Variants in LRCH1 observed in about 807,000 individuals in gnomAD.
LRCH1 encodes leucine rich repeats and calponin homology domain containing 1.
LRCH1 carries 23 observed loss-of-function variants against 94.9 expected under a neutral mutation model. The ratio of observed to expected loss-of-function variants is 0.24; its 90% confidence interval spans 0.17 to 0.34. The LOEUF (loss-of-function observed/expected upper bound fraction) is 0.34. Ranked by LOEUF, LRCH1 falls within the 10% of genes least tolerant of loss-of-function variation. The pLI, the probability that LRCH1 is intolerant of heterozygous loss-of-function variation, is 1.00. For missense variants in LRCH1, 790 were observed against 945.9 expected, an observed-to-expected ratio of 0.84 and a Z score of 2.16; for synonymous variants, 364 against 354.9, an observed-to-expected ratio of 1.03 and a Z score of -0.29.
At chr13:46,631,779 G>A (rs1566188226) in intron 1 of LRCH1, among the ~76,000 whole-genome samples, 1 of 151,998 alleles carries the variant, frequency 6.6e-6, no homozygotes. Flanking sequence ...ACAATTCAGT[G>A]GCACTAAACA....
At chr13:46,734,603 G>A (rs1873279686) in intron 19 of LRCH1, among the ~76,000 whole-genome samples, 2 of 152,184 alleles carry the variant, frequency 1.3e-5, no homozygotes, top group South Asian at 4.1e-4. Flanking sequence ...CATATAGTTT[G>A]CTATTTTTTC....
chr13:46,724,934 A>G (rs1033659730), intron 17 of LRCH1, among the ~76,000 whole-genome samples: 2 of 152,206 alleles, frequency 1.3e-5, no homozygotes, highest in Non-Finnish European at 2.9e-5. Flanking sequence ...ATTCACAGAA[A>G]CAAAGACTTG....
rs181382112 is a variant in LRCH1 at position 46,718,008 on chromosome 13, C to G, written c.1759+2344C>G. On this transcript the variant is annotated intron_variant, in intron 16 of 19. Coordinates refer to ENST00000389797, the MANE Select transcript of LRCH1 (RefSeq NM_001164211.2). Reference sequence around the variant, plus strand: ...TTGTCTGTAGGTTTCTCTGGGCCCACCCCTGGAGCTGGATGGGACAGCTTT... The same window carrying G: ...TTGTCTGTAGGTTTCTCTGGGCCCAGCCCTGGAGCTGGATGGGACAGCTTT... Among the ~76,000 whole-genome samples, 11 of 152,290 alleles carry G rather than the reference C, an allele frequency of 7.2e-5. No individual in the cohort carries two copies. The East Asian group carries it at 1.7e-3, about 24-fold the overall frequency.
At chr13:46,752,868 C>G (rs1461820921) in exon 19 of LRCH1, 1 of 150,412 alleles carries the variant, frequency 6.6e-6, no homozygotes, top group Non-Finnish European at 1.5e-5. Flanking sequence ...GCTTTTTTTT[C>G]TTTTAAATGC....
At chr13:46,562,584 C>G (rs1736724338) in intron 1 of LRCH1, among the ~76,000 whole-genome samples, 1 of 152,186 alleles carries the variant, frequency 6.6e-6, no homozygotes, top group Non-Finnish European at 1.5e-5. Context: ...TAAATACAGT[C>G]ACATTCTGAG....
At chr13:46,723,824 A>G (rs937032032) in intron 17 of LRCH1, among the ~76,000 whole-genome samples, 1 of 152,078 alleles carries the variant, frequency 6.6e-6, no homozygotes, top group Admixed American at 6.6e-5. Flanking sequence ...AATGGTTCCA[A>G]TTGACCTTAG....
Position 46,688,280 on chromosome 13 carries a change from A to G in LRCH1, c.950+301A>G, listed in dbSNP as rs1007047866. ...AAATATGTGCATACTTATAAATAAG[A>G]TCTAGAATACAAATGTGAATATTTT... On this transcript the variant is annotated intron_variant, in intron 6 of 19. Coordinates refer to ENST00000389797, the MANE Select transcript of LRCH1 (RefSeq NM_001164211.2). 7.2e-5 allele frequency among the ~76,000 whole-genome samples: 11 copies of G among 152,346 alleles called. No homozygotes were observed. In the East Asian group the frequency reaches 2.1e-3, roughly 29 times the overall value.
intron 1 of LRCH1, among the ~76,000 whole-genome samples, chr13:46,617,513 G>A (rs1475352092): frequency 2.0e-5 from 3 of 152,190 alleles, no homozygotes; most frequent in Non-Finnish European, 4.4e-5. Flanking sequence ...TTGCTCCGCA[G>A]GGAGGCTGGC....
At chr13:46,602,104 C>T (rs903177367) in intron 1 of LRCH1, among the ~76,000 whole-genome samples, 3 of 152,208 alleles carry the variant, frequency 2.0e-5, no homozygotes, top group Non-Finnish European at 4.4e-5. Context: ...TCATCTCTTT[C>T]CATTCTAGCT....
intron 1 of LRCH1, among the ~76,000 whole-genome samples, chr13:46,611,538 A>G (rs1352025697): frequency 1.3e-5 from 2 of 152,222 alleles, no homozygotes; most frequent in African/African-American, 2.4e-5. Flanking sequence ...TTTAAAATTG[A>G]TATCCAATAT....
intron 1 of LRCH1, among the ~76,000 whole-genome samples, chr13:46,641,929 C>T (rs2051162409): frequency 1.3e-5 from 2 of 152,184 alleles, no homozygotes; most frequent in African/African-American, 2.4e-5. Flanking sequence ...GGCTGCTCGG[C>T]TTTCATGTGA....
intron 13 of LRCH1, among the ~76,000 whole-genome samples, chr13:46,708,253 T>C (rs1871868727): frequency 6.6e-6 from 1 of 151,450 alleles, no homozygotes; most frequent in African/African-American, 2.4e-5. Context: ...CATAGTTTTG[T>C]CTAGGTCTAG....
At position 46,653,762 on chromosome 13, in the gene LRCH1, C is replaced by T. The variant is rs548792136; in HGVS notation, c.452+3417C>T. On this transcript the variant is annotated intron_variant, in intron 2 of 19. Coordinates refer to ENST00000389797, the MANE Select transcript of LRCH1 (RefSeq NM_001164211.2). The stretch of plus-strand genomic sequence containing the variant: ...GAGAGGGTCTGGGAGGTTGAAGCTG[C>T]GGTGAGCCGTGATTGTGCTACTGCA... Among the ~76,000 whole-genome samples, 347 of 152,032 alleles carry T rather than the reference C, an allele frequency of 2.3e-3. 4 individuals are homozygous for T. Among genetic ancestry groups the T allele is most frequent in the African/African-American group, 7.9e-3 (326 of 41,482 alleles).
intron 19 of LRCH1, among the ~76,000 whole-genome samples, chr13:46,741,436 C>G (rs1231679297): frequency 6.6e-6 from 1 of 152,118 alleles, no homozygotes; most frequent in African/African-American, 2.4e-5. Context: ...TTCTTTGACC[C>G]ATTGGCACAA....
At chr13:46,650,132 T>C in intron 1 of LRCH1, 69 bp from the exon 2 acceptor site, 5 of 1,102,994 alleles carry the variant, frequency 4.5e-6, no homozygotes, top group Middle Eastern at 4.1e-4. Flanking sequence ...AAACAGTGTT[T>C]GTGGTTAATA....
chr13:46,590,079 A>C (rs2050482259), intron 1 of LRCH1, among the ~76,000 whole-genome samples: 2 of 152,088 alleles, frequency 1.3e-5, no homozygotes, highest in Admixed American at 1.3e-4. Context: ...TAGTTCAGTT[A>C]ATCTTTTTTG....
At chr13:46,663,992 C>T (rs1447982355) in intron 2 of LRCH1, among the ~76,000 whole-genome samples, 1 of 152,040 alleles carries the variant, frequency 6.6e-6, no homozygotes, top group African/African-American at 2.4e-5. Flanking sequence ...TGGCAGGATC[C>T]TGGAATTAGG....
chr13:46,749,701 C>T (rs189441338), downstream of LRCH1, among the ~76,000 whole-genome samples: 11 of 152,112 alleles, frequency 7.2e-5, no homozygotes, highest in East Asian at 1.9e-4. Flanking sequence ...GAATATTTGC[C>T]GTGGTGTCTT....
intron 1 of LRCH1, among the ~76,000 whole-genome samples, chr13:46,608,240 C>T (rs955134498): frequency 1.4e-4 from 22 of 152,266 alleles, no homozygotes; most frequent in African/African-American, 4.8e-4. Context: ...AAAGTGCAGA[C>T]GTGTTCTTGT....
Sources: allele counts gnomAD v4.1 joint callset (sites outside exome capture counted in the v4.1 genomes callset), GRCh38; gene constraint gnomAD v4.1.1; transcripts MANE v1.5; gene names NCBI Gene and HGNC (gene_info 2026-07-23, HGNC 2026-07-21).